The following HDAC9 variants were observed in gnomAD, a reference collection of about 807,000 sequenced individuals.
HDAC9 encodes the protein MEF-2 interacting transcription repressor (MITR) protein.
HDAC9 carries 41 observed loss-of-function variants against 139.4 expected under a neutral mutation model. The ratio of observed to expected loss-of-function variants is 0.29; its 90% CI spans 0.23 to 0.38. The LOEUF (loss-of-function observed/expected upper bound fraction) is 0.38. HDAC9 is among the 10% of genes least tolerant of loss of function. HDAC9 has a pLI of 1.00. For synonymous variants in HDAC9, 517 were observed against 476.2 expected (o/e 1.09, Z -1.12); for missense variants, 1,147 against 1,297.0 (o/e 0.88, Z 1.78).
chr7:18,749,695 G>T (rs1788282144), intron 14 of HDAC9, among the ~76,000 whole-genome samples: 1 of 151,944 alleles, frequency 6.6e-6, no homozygotes, highest in African/African-American at 2.4e-5. Flanking sequence ...TTTTTATTTG[G>T]AAAAATATAC....
intron 2 of HDAC9, among the ~76,000 whole-genome samples, chr7:18,218,938 C>A (rs1370916354): frequency 1.3e-5 from 2 of 152,058 alleles, no homozygotes; most frequent in East Asian, 1.9e-4. Context: ...ACTCCTGGGT[C>A]AAGGCATGTA....
At chr7:18,616,640 G>C (rs889093235) in intron 6 of HDAC9, among the ~76,000 whole-genome samples, 2 of 152,156 alleles carry the variant, frequency 1.3e-5, no homozygotes, top group Non-Finnish European at 2.9e-5. Flanking sequence ...AAACCATAAA[G>C]GTTGTCTAAA....
intron 12 of HDAC9, among the ~76,000 whole-genome samples, chr7:18,704,275 A>C (rs970262423): frequency 6.6e-6 from 1 of 152,188 alleles, no homozygotes; most frequent in South Asian, 2.1e-4. Context: ...TTTTGCTTAC[A>C]CACTTCTTCC....
In HDAC9 at chr7:18,996,193, A is replaced by C. The variant is rs550973660; in HGVS notation, c.*131A>C. 1 of 608,278 alleles carries C rather than the reference A, an allele frequency of 1.6e-6. No homozygotes were observed. Among genetic ancestry groups the C allele is most frequent in the Non-Finnish European group, 2.9e-6 (1 of 344,914 alleles). 37.7% of individuals were successfully genotyped at this position (608,278 alleles called of 1,614,324 possible). A position where few individuals can be genotyped will look rare whatever the true frequency, so the allele number is the denominator to read the frequency against. The stretch of plus-strand genomic sequence containing the variant: ...CAATGGAACATAAACACTGGGCACA[A>C]AATTCTGAACAGCAGCTTCACTTGT... On this transcript the variant is annotated 3_prime_UTR_variant, in exon 26 of 26. Transcript: ENST00000686413.
chr7:18,645,916 T>G (rs1486065227), intron 9 of HDAC9, among the ~76,000 whole-genome samples: 19 of 152,188 alleles, frequency 1.2e-4, no homozygotes, highest in Non-Finnish European at 2.8e-4. Flanking sequence ...TAATGTCATT[T>G]TATGTGGTAC....
At chr7:18,974,977 G>C (rs1320242811) in intron 24 of HDAC9, among the ~76,000 whole-genome samples, 2 of 152,112 alleles carry the variant, frequency 1.3e-5, no homozygotes, top group Non-Finnish European at 2.9e-5. Context: ...TGCAGAGATA[G>C]TACTAACCTG....
At chr7:18,915,118 G>GGGGATGT (rs1326620627) in intron 22 of HDAC9, among the ~76,000 whole-genome samples, 1 of 152,062 alleles carries the variant, frequency 6.6e-6, no homozygotes, top group African/African-American at 2.4e-5. Context: ...TGTATGTGTA[G>GGGGATGT]GGGATGTGTG....
At chr7:18,203,075 T>C (rs1414329808) in intron 2 of HDAC9, among the ~76,000 whole-genome samples, 2 of 152,192 alleles carry the variant, frequency 1.3e-5, no homozygotes, top group Non-Finnish European at 2.9e-5. Context: ...ATTGGGTGAA[T>C]AGATCAGGGT....
intron 2 of HDAC9, among the ~76,000 whole-genome samples, chr7:18,191,735 T>G (rs1790363197): frequency 6.6e-6 from 1 of 152,240 alleles, no homozygotes; most frequent in African/African-American, 2.4e-5. Flanking sequence ...TTGATACTTA[T>G]GAATTGAAAT....
chr7:18,761,499 A>T (rs1021765304), intron 14 of HDAC9, among the ~76,000 whole-genome samples: 2 of 152,218 alleles, frequency 1.3e-5, no homozygotes, highest in African/African-American at 2.4e-5. Context: ...GAGAGGTAAG[A>T]TTATAGTAGA....
chr7:18,729,746 A>C (rs530561731), intron 13 of HDAC9, among the ~76,000 whole-genome samples: 2 of 152,322 alleles, frequency 1.3e-5, no homozygotes, highest in East Asian at 3.9e-4. Flanking sequence ...ACAAATAGGA[A>C]AGTGAACTTA....
chr7:18,246,770 G>A (rs1334204081), intron 2 of HDAC9, among the ~76,000 whole-genome samples: 4 of 152,142 alleles, frequency 2.6e-5, no homozygotes, highest in African/African-American at 9.7e-5. Context: ...AAAACTCTAT[G>A]CAAGAGTAGG....
chr7:18,873,859 G>T (rs888662768), intron 21 of HDAC9, among the ~76,000 whole-genome samples: 5 of 152,118 alleles, frequency 3.3e-5, no homozygotes, highest in Non-Finnish European at 7.4e-5. Flanking sequence ...GCCAGCAGGG[G>T]TTGCTGTCAT....
At chr7:18,317,983 A>G (rs1220018055) in intron 1 of HDAC9, among the ~76,000 whole-genome samples, 2 of 152,196 alleles carry the variant, frequency 1.3e-5, no homozygotes, top group African/African-American at 4.8e-5. Context: ...TGCCCTACTT[A>G]AACTCCAGAA....
At chr7:18,756,647 T>G (rs912222476) in intron 14 of HDAC9, among the ~76,000 whole-genome samples, 2 of 152,222 alleles carry the variant, frequency 1.3e-5, no homozygotes, top group African/African-American at 4.8e-5. Flanking sequence ...AAAATGAGCT[T>G]TGACATAATT....
At chr7:18,415,309 T>C (rs1253130287) in intron 1 of HDAC9, among the ~76,000 whole-genome samples, 1 of 152,230 alleles carries the variant, frequency 6.6e-6, no homozygotes, top group Non-Finnish European at 1.5e-5. Context: ...CTGGTACAAC[T>C]GCGCTAGTTT....
intron 23 of HDAC9, among the ~76,000 whole-genome samples, chr7:18,945,852 C>G (rs1047654240): frequency 1.2e-4 from 18 of 151,640 alleles, no homozygotes; most frequent in African/African-American, 4.1e-4. Flanking sequence ...TCCTAACCAA[C>G]ATGGTGAAAC....
chr7:18,901,490 C>T (rs1002266075), intron 22 of HDAC9, among the ~76,000 whole-genome samples: 2 of 152,088 alleles, frequency 1.3e-5, no homozygotes, highest in African/African-American at 4.8e-5. Flanking sequence ...CTGTTTGTTT[C>T]TGGTAAGCCT....
At chr7:18,900,219 C>G (rs1019841950) in intron 22 of HDAC9, among the ~76,000 whole-genome samples, 1 of 152,138 alleles carries the variant, frequency 6.6e-6, no homozygotes, top group Non-Finnish European at 1.5e-5. Flanking sequence ...TGCACACACA[C>G]TAATGCACCT....
Sources: gnomAD v4.1 joint callset for allele counts (sites outside exome capture counted in the v4.1 genomes callset) on GRCh38, gnomAD v4.1.1 for gene constraint, MANE v1.5 for transcripts, NCBI Gene and HGNC (gene_info 2026-07-23, HGNC 2026-07-21) for gene names.